Variants in ARHGAP15 observed in about 807,000 individuals in gnomAD.
The protein encoded by ARHGAP15 is Rho GTPase activating protein 15.
In ARHGAP15, 51 loss-of-function variants were observed where a neutral mutation model predicts 63.7. That is an observed-to-expected ratio of 0.80 (90% CI 0.64 to 1.01). ARHGAP15 has a LOEUF of 1.01. Ranked by LOEUF, ARHGAP15 falls within the 50% of genes least tolerant of loss-of-function variation. The probability of loss-of-function intolerance (pLI) is 0.00; values close to 1 mark genes in which losing one functional copy is unlikely to be tolerated. For synonymous variants in ARHGAP15, 191 were observed against 193.8 expected (o/e 0.99, Z 0.12); for missense variants, 560 against 564.6 (o/e 0.99, Z 0.08).
At chr2:143,407,987 GTATATA>G (rs58194704) in intron 6 of ARHGAP15, among the ~76,000 whole-genome samples, 811 of 77,220 alleles carry the variant, frequency 0.011, 10 homozygotes, top group Non-Finnish European at 0.012. Flanking sequence ...TTCTGTGTGT[GTATATA>G]TATATATATA....
At chr2:143,728,644 G>A (rs1013560718) in intron 13 of ARHGAP15, among the ~76,000 whole-genome samples, 1 of 152,182 alleles carries the variant, frequency 6.6e-6, no homozygotes, top group African/African-American at 2.4e-5. Context: ...AGGGGAACAA[G>A]CAGCAGCATG....
rs376211813 is a variant in ARHGAP15, at chr2:143,542,524, C to G, written c.926-13884C>G. Reference sequence around the variant, plus strand: ...CTATTCGGCCATCTTGGCTCTACCCCAAAAGCAGGATTTTTTAATGGCTGA... The same window carrying G: ...CTATTCGGCCATCTTGGCTCTACCCGAAAAGCAGGATTTTTTAATGGCTGA... On this transcript the variant is annotated intron_variant, in intron 10 of 13. Transcript: ENST00000295095. Among the ~76,000 whole-genome samples, 6 of 151,256 alleles carry G rather than the reference C, an allele frequency of 4.0e-5. No individual in the cohort carries two copies. The South Asian group carries it at 1.3e-3, about 32-fold the overall frequency.
intron 6 of ARHGAP15, among the ~76,000 whole-genome samples, chr2:143,377,172 A>T (rs1170031615): frequency 6.6e-6 from 1 of 152,044 alleles, no homozygotes; most frequent in Non-Finnish European, 1.5e-5. Flanking sequence ...AATCCTATAA[A>T]GAATAAATAC....
chr2:143,326,563 T>C (rs909608944), intron 6 of ARHGAP15, among the ~76,000 whole-genome samples: 12 of 152,174 alleles, frequency 7.9e-5, no homozygotes, highest in African/African-American at 2.2e-4. Flanking sequence ...TAGTGACTTC[T>C]CCAACAATTA....
intron 12 of ARHGAP15, among the ~76,000 whole-genome samples, chr2:143,664,058 G>A (rs60055577): frequency 0.21 from 31,158 of 150,558 alleles, 3,636 homozygotes; most frequent in Middle Eastern, 0.3. Context: ...TGCACCAAGC[G>A]GACCTAATAG....
chr2:143,439,402 G>A (rs1361483478), intron 8 of ARHGAP15, among the ~76,000 whole-genome samples: 13 of 78,266 alleles, frequency 1.7e-4, no homozygotes, highest in South Asian at 1.3e-3. Flanking sequence ...CAGCCTGGGC[G>A]ACAGAGCAAG....
chr2:143,702,295 A>C (rs934107835), intron 12 of ARHGAP15, among the ~76,000 whole-genome samples: 1 of 152,180 alleles, frequency 6.6e-6, no homozygotes, highest in African/African-American at 2.4e-5. Context: ...TAAGTAAATC[A>C]ATTTTTACTT....
At chr2:143,721,849 G>A (rs1685074501) in intron 13 of ARHGAP15, among the ~76,000 whole-genome samples, 1 of 152,124 alleles carries the variant, frequency 6.6e-6, no homozygotes, top group South Asian at 2.1e-4. Context: ...ACTGCGCCCA[G>A]CTAATTTTTT....
At chr2:143,320,233 T>TC (rs1461911531) in intron 6 of ARHGAP15, among the ~76,000 whole-genome samples, 2 of 152,180 alleles carry the variant, frequency 1.3e-5, no homozygotes, top group Non-Finnish European at 2.9e-5. Flanking sequence ...ATATTTTAAG[T>TC]CCTACCAGAC....
intron 10 of ARHGAP15, chr2:143,519,570 T>G (rs920960826): frequency 5.2e-6 from 2 of 384,484 alleles, no homozygotes; most frequent in Non-Finnish European, 9.7e-6. Flanking sequence ...ATGTTCTTTT[T>G]TGTTTTTAAT....
At chr2:143,741,101 A>C (rs1685945634) in intron 13 of ARHGAP15, 1 of 152,216 alleles carries the variant, frequency 6.6e-6, no homozygotes, top group African/African-American at 2.4e-5. Flanking sequence ...CGCATTGCCC[A>C]GTAGTGGTCC....
rs143066755 is a variant in ARHGAP15 at position 143,337,506 on chromosome 2, A to G, written c.474+86906A>G. Among the ~76,000 whole-genome samples the G allele has an allele frequency of 1.6e-4, 25 of 152,288 alleles. No individual in the cohort carries two copies. In the East Asian group the frequency reaches 4.8e-3, roughly 29 times the overall value. On this transcript the variant is annotated intron_variant, in intron 6 of 13. Coordinates refer to ENST00000295095, the MANE Select transcript of ARHGAP15 (RefSeq NM_018460.4). ...CTACCTAGGTTTCTGCATTACATTCAGGAAAGAGCTACTTAAATGGAAACA... is the reference window on the plus strand; with the variant it reads ...CTACCTAGGTTTCTGCATTACATTCGGGAAAGAGCTACTTAAATGGAAACA...
chr2:143,255,550 G>A (rs1384877740), intron 6 of ARHGAP15, among the ~76,000 whole-genome samples: 1 of 151,940 alleles, frequency 6.6e-6, no homozygotes, highest in African/African-American at 2.4e-5. Context: ...ATCTGAATAT[G>A]TCTTATCTTA....
At chr2:143,345,577 C>T (rs1558908904) in intron 6 of ARHGAP15, among the ~76,000 whole-genome samples, 2 of 151,856 alleles carry the variant, frequency 1.3e-5, no homozygotes, top group Non-Finnish European at 2.9e-5. Context: ...TTTTTTAACG[C>T]TTTTGGCACT....
intron 8 of ARHGAP15, among the ~76,000 whole-genome samples, chr2:143,453,499 G>C (rs114844200): frequency 6.6e-6 from 1 of 152,084 alleles, no homozygotes; most frequent in African/African-American, 2.4e-5. Context: ...TAATCATAAC[G>C]TTAGTACAAG....
At chr2:143,750,426 A>T (rs935428100) in intron 13 of ARHGAP15, among the ~76,000 whole-genome samples, 2 of 152,182 alleles carry the variant, frequency 1.3e-5, no homozygotes, top group African/African-American at 4.8e-5. Flanking sequence ...AGGCAGCAAA[A>T]ACGTAAATCA....
At chr2:143,390,056 T>G (rs911442433) in intron 6 of ARHGAP15, among the ~76,000 whole-genome samples, 1 of 151,796 alleles carries the variant, frequency 6.6e-6, no homozygotes, top group Admixed American at 6.6e-5. Context: ...ACTTTTTAGT[T>G]ATTTAAAAGT....
chr2:143,635,046 A>G (rs1020110138), intron 12 of ARHGAP15, among the ~76,000 whole-genome samples: 3 of 152,152 alleles, frequency 2.0e-5, no homozygotes, highest in African/African-American at 7.2e-5. Flanking sequence ...AGTTGAACAC[A>G]GGGACAGACA....
intron 8 of ARHGAP15, 180 bp downstream of exon 8, chr2:143,437,222 T>A: frequency 3.3e-6 from 2 of 599,660 alleles, no homozygotes; most frequent in Non-Finnish European, 2.8e-6. Context: ...CACATCATTG[T>A]TGGTAATGCC....
Sources: gnomAD v4.1 joint callset for allele counts (sites outside exome capture counted in the v4.1 genomes callset) on GRCh38, gnomAD v4.1.1 for gene constraint, MANE v1.5 for transcripts, NCBI Gene and HGNC (gene_info 2026-07-23, HGNC 2026-07-21) for gene names.